The following SUCLG2 variants were observed in gnomAD, a reference collection of about 807,000 sequenced individuals.
SUCLG2 encodes the protein succinate-CoA ligase GDP-forming subunit beta.
SUCLG2 carries 42 observed loss-of-function variants against 47.9 expected under a neutral mutation model. That is an observed-to-expected ratio of 0.88 (90% CI 0.69 to 1.14). The LOEUF (loss-of-function observed/expected upper bound fraction) is 1.14, where lower values mean the gene tolerates loss of function less well. SUCLG2 is among the 50% of genes most tolerant of loss of function. The pLI, the probability that SUCLG2 is intolerant of heterozygous loss-of-function variation, is 0.00. For missense variants in SUCLG2, 571 were observed against 525.9 expected (o/e 1.09, Z -0.84); for synonymous variants, 195 against 197.3 (o/e 0.99, Z 0.10).
rs147426093 is a variant in SUCLG2, at chr3:67,542,546, A to C, written c.227-13360T>G. On this transcript the variant is annotated intron_variant, in intron 2 of 10. Coordinates refer to ENST00000307227, the MANE Select transcript of SUCLG2 (RefSeq NM_003848.4). ...AAGACACAGGCTGGCACACTGGATA[A>C]AGAGTCAAGACCCATCAGTGTGCTG... 6.7e-3 allele frequency among the ~76,000 whole-genome samples: 1,027 copies of C among 152,320 alleles called. 8 individuals are homozygous for C. The highest frequency in any genetic ancestry group is 0.024 in the African/African-American group (984 of 41,570).
chr3:67,376,341 A>G, intron 10 of SUCLG2: 1 of 985,386 alleles, frequency 1.0e-6, no homozygotes, highest in Non-Finnish European at 1.2e-6. Flanking sequence ...ATAAAATGAA[A>G]TGGGCTGAGC....
intron 1 of SUCLG2, among the ~76,000 whole-genome samples, chr3:67,619,522 T>A (rs887112703): frequency 6.6e-6 from 1 of 152,292 alleles, no homozygotes; most frequent in African/African-American, 2.4e-5. Context: ...CTCTGGTTTA[T>A]AGATTTCACT....
chr3:67,600,606 C>A (rs971510882), intron 2 of SUCLG2, among the ~76,000 whole-genome samples: 1 of 152,206 alleles, frequency 6.6e-6, no homozygotes. Context: ...TCAGAAGAGA[C>A]CACTACATGA....
At chr3:67,640,593 CT>C (rs1347369193) in intron 1 of SUCLG2, among the ~76,000 whole-genome samples, 2 of 152,196 alleles carry the variant, frequency 1.3e-5, no homozygotes, top group Non-Finnish European at 2.9e-5. Flanking sequence ...TTTCCCCATT[CT>C]CCCCAAAACT....
At chr3:67,601,004 C>T (rs994166475) in intron 2 of SUCLG2, among the ~76,000 whole-genome samples, 7 of 152,032 alleles carry the variant, frequency 4.6e-5, no homozygotes, top group African/African-American at 1.7e-4. Context: ...AAAAACAATC[C>T]AAAAATAACC....
At chr3:67,529,348 C>T (rs1706340795) in intron 2 of SUCLG2, among the ~76,000 whole-genome samples, 162 bp from the exon 3 acceptor site, 1 of 152,154 alleles carries the variant, frequency 6.6e-6, no homozygotes, top group Admixed American at 6.5e-5. Flanking sequence ...AAAAAAACAT[C>T]TATGAGCCTA....
chr3:67,569,113 A>C (rs1707545358), intron 2 of SUCLG2, among the ~76,000 whole-genome samples: 1 of 152,204 alleles, frequency 6.6e-6, no homozygotes, highest in Non-Finnish European at 1.5e-5. Flanking sequence ...CAAGCTTACC[A>C]AAGCTAATGC....
intron 6 of SUCLG2, among the ~76,000 whole-genome samples, chr3:67,514,697 C>A (rs1559554198): frequency 6.6e-6 from 1 of 152,144 alleles, no homozygotes; most frequent in Admixed American, 6.5e-5. Context: ...GTTTTAGTTA[C>A]CCATGGTCTA....
chr3:67,455,816 C>T (rs1475958250), intron 9 of SUCLG2, among the ~76,000 whole-genome samples: 1 of 152,060 alleles, frequency 6.6e-6, no homozygotes, highest in Non-Finnish European at 1.5e-5. Flanking sequence ...GTTCTACTAC[C>T]CAGTGTTTCA....
intron 7 of SUCLG2, among the ~76,000 whole-genome samples, chr3:67,504,267 A>C (rs1575740105): frequency 6.6e-6 from 1 of 151,594 alleles, no homozygotes; most frequent in African/African-American, 2.4e-5. Flanking sequence ...GGGTTGGGGG[A>C]GGTAGAGAAC....
At chr3:67,550,916 G>C (rs187710000) in intron 2 of SUCLG2, among the ~76,000 whole-genome samples, 2 of 152,088 alleles carry the variant, frequency 1.3e-5, no homozygotes, top group African/African-American at 4.8e-5. Context: ...TGGGGGCAGG[G>C]GCGGCGGCAG....
chr3:67,491,661 T>C (rs1272932477), intron 9 of SUCLG2, among the ~76,000 whole-genome samples: 1 of 152,196 alleles, frequency 6.6e-6, no homozygotes, highest in East Asian at 1.9e-4. Context: ...TCCAGCCATG[T>C]TCTATTTCTT....
intron 2 of SUCLG2, among the ~76,000 whole-genome samples, chr3:67,562,264 C>T (rs1198108844): frequency 6.6e-6 from 1 of 151,896 alleles, no homozygotes; most frequent in Non-Finnish European, 1.5e-5. Context: ...CCCAAGTTCT[C>T]CAATTCAGTT....
Position 67,434,685 on chromosome 3 carries a change from T to C in SUCLG2, c.1063-33834A>G, listed in dbSNP as rs995949195. On this transcript the variant is annotated intron_variant, in intron 9 of 10. Coordinates refer to ENST00000307227, the MANE Select transcript of SUCLG2 (RefSeq NM_003848.4). ...TTATACTGGTTGGGAGAAGGGTAGA[T>C]GGCAGTCAAATCTGAATACAAAGCA... Among the ~76,000 whole-genome samples, 6 of 152,214 alleles carry C rather than the reference T, an allele frequency of 3.9e-5. No individual in the cohort carries two copies. The East Asian group carries it at 1.2e-3, about 29-fold the overall frequency.
intron 9 of SUCLG2, among the ~76,000 whole-genome samples, chr3:67,411,032 T>C (rs1702922104): frequency 1.3e-5 from 2 of 152,188 alleles, no homozygotes; most frequent in South Asian, 4.1e-4. Context: ...CATCATTTGT[T>C]GGAGAGTTAA....
chr3:67,518,078 T>A (rs988237227), intron 6 of SUCLG2, among the ~76,000 whole-genome samples, 169 bp downstream of exon 6: 2 of 152,224 alleles, frequency 1.3e-5, no homozygotes, highest in Non-Finnish European at 2.9e-5. Flanking sequence ...CATCCTCTTT[T>A]AAAACATCAG....
chr3:67,617,563 C>T (rs540987040), intron 1 of SUCLG2, among the ~76,000 whole-genome samples: 22 of 152,146 alleles, frequency 1.4e-4, no homozygotes, highest in Admixed American at 1.2e-3. Context: ...CAATACTCTT[C>T]ACCACTCTCC....
intron 1 of SUCLG2, among the ~76,000 whole-genome samples, chr3:67,645,429 C>T (rs186802656): frequency 7.9e-5 from 12 of 152,264 alleles, no homozygotes; most frequent in East Asian, 7.7e-4. Context: ...TCCAACCATC[C>T]TATTCAACAC....
Position 67,393,537 on chromosome 3 carries a change from A to G in SUCLG2, c.1183+7194T>C, listed in dbSNP as rs1056316411. Among the ~76,000 whole-genome samples the G allele has an allele frequency of 3.0e-4, 45 of 152,196 alleles. 1 individual carries two copies. Among genetic ancestry groups the G allele is most frequent in the Non-Finnish European group, 4.1e-4 (28 of 68,032 alleles). On this transcript the variant is annotated intron_variant, in intron 10 of 10. Coordinates refer to ENST00000307227, the MANE Select transcript of SUCLG2 (RefSeq NM_003848.4). ...AGCCAGGAAGCTCGAACTGGGTGGA[A>G]CCCACCACAGCTCAAGGAGGCCTGC...
Sources: gnomAD v4.1 joint callset for allele counts (sites outside exome capture counted in the v4.1 genomes callset) on GRCh38, gnomAD v4.1.1 for gene constraint, MANE v1.5 for transcripts, NCBI Gene and HGNC (gene_info 2026-07-23, HGNC 2026-07-21) for gene names.